Variants in TIMM13 observed in about 807,000 individuals in gnomAD.
TIMM13 encodes mitochondrial import inner membrane translocase subunit Tim13.
TIMM13 carries 8 observed loss-of-function variants against 10.9 expected under a neutral mutation model. The ratio of observed to expected loss-of-function variants is 0.73; its 90% CI spans 0.43 to 1.32. The LOEUF is 1.32. Ranked by LOEUF, TIMM13 falls within the 40% of genes most tolerant of loss-of-function variation. The pLI, the probability that TIMM13 is intolerant of heterozygous loss-of-function variation, is 0.01. For missense variants in TIMM13, 147 were observed against 132.8 expected (o/e 1.11, Z -0.53); for synonymous variants, 68 against 52.5 (o/e 1.30, Z -1.28).
Position 2,427,311 on chromosome 19 carries a change from T to C in TIMM13, c.134A>G (p.Lys45Arg), listed in dbSNP as rs372878317. The C allele has an allele frequency of 5.6e-6, 9 of 1,613,294 alleles. No individual in the cohort carries two copies. The African/African-American group carries it at 6.7e-5, about 12-fold the overall frequency. ...AQELLQRMTD[K>R]CFRKCIGKPG... Reference sequence around the variant, plus strand: ...TTTCCCTATACACTTCCGGAAACACTTGTCCGTCATCCTCTGTGGAGACAC... The same window carrying C: ...TTTCCCTATACACTTCCGGAAACACCTGTCCGTCATCCTCTGTGGAGACAC... The change falls in exon 2 of 3, where the codon AAG becomes AGG. Residue 45 changes from lysine to arginine, a missense_variant. Lys to Arg is a conservative substitution (Grantham distance 26). Coordinates refer to ENST00000215570, the MANE Select transcript of TIMM13 (RefSeq NM_012458.4).
chr19:2,426,077 A>C lies in TIMM13; in HGVS notation c.*871T>G. ...TGTGAGAGGCTGGATAGGACAGCAC[A>C]TCCAGGAGTGACCACCACGTGACTG... On this transcript the variant is annotated 3_prime_UTR_variant, in exon 3 of 3. Transcript: ENST00000215570. 1 of 1,605,704 alleles carries C rather than the reference A, an allele frequency of 6.2e-7. No homozygotes were observed. The highest frequency in any genetic ancestry group is 1.7e-5 in the Admixed American group (1 of 58,616).
chr19:2,426,932 G>T lies in TIMM13; in HGVS notation c.*16C>A. ...TTTATGGAAATGAACAGGGTGGGGT[G>T]GCCCGCGCTCGCCGGTCACATGTTG... On this transcript the variant is annotated 3_prime_UTR_variant, in exon 3 of 3. Coordinates refer to ENST00000215570, the MANE Select transcript of TIMM13 (RefSeq NM_012458.4). The T allele has an allele frequency of 6.4e-7, 1 of 1,568,402 alleles. No homozygotes were observed. Among genetic ancestry groups the T allele is most frequent in the Non-Finnish European group, 8.6e-7 (1 of 1,157,262 alleles).
At position 2,426,836 on chromosome 19, in the gene TIMM13, C is replaced by CTCCTA. The variant is rs1971649892; in HGVS notation, c.*111_*112insTAGGA. On this transcript the variant is annotated 3_prime_UTR_variant, in exon 3 of 3. Coordinates refer to ENST00000215570, the MANE Select transcript of TIMM13 (RefSeq NM_012458.4). ...GGCGAGGACACAGTCCCGTGTGTCC[C>CTCCTA]AGCACCGGTGCCACCCTCCTAAGCC... 1 of 1,079,274 alleles carries CTCCTA rather than the reference C, an allele frequency of 9.3e-7. No homozygotes were observed. The highest frequency in any genetic ancestry group is 1.5e-5 in the African/African-American group (1 of 64,582). The allele number at this position is 1,079,274 out of a possible 1,614,324, so 66.9% of individuals were successfully genotyped here.
chr19:2,426,328 G>A lies in TIMM13; in HGVS notation c.*620C>T, dbSNP rs1971632912. 5.3e-6 allele frequency: 2 copies of A among 375,214 alleles called. No homozygotes were observed. Among genetic ancestry groups the A allele is most frequent in the East Asian group, 6.7e-5 (1 of 14,900 alleles). 23.2% of individuals were successfully genotyped at this position (375,214 alleles called of 1,614,324 possible). ...TGCCTGGTGCTCCACCAGGACCCGG[G>A]GTGGAACGAAGCAGGGTCAAAGCAA... On this transcript the variant is annotated 3_prime_UTR_variant, in exon 3 of 3. Transcript: ENST00000215570.
chr19:2,426,923 G>T lies in TIMM13; in HGVS notation c.*25C>A, dbSNP rs377078875. ...CAAAGCACGTTTATGGAAATGAACAGGGTGGGGTGGCCCGCGCTCGCCGGT... is the reference window on the plus strand; with the variant it reads ...CAAAGCACGTTTATGGAAATGAACATGGTGGGGTGGCCCGCGCTCGCCGGT... On this transcript the variant is annotated 3_prime_UTR_variant, in exon 3 of 3. Transcript: ENST00000215570. 1.7e-5 allele frequency: 27 copies of T among 1,561,222 alleles called. No homozygotes were observed. The Admixed American group carries it at 2.1e-4, about 12-fold the overall frequency.
In TIMM13 at chr19:2,427,008, G is replaced by C. The variant is rs749483030; in HGVS notation, c.228C>G (p.Ala76=). The C allele has an allele frequency of 6.2e-7, 1 of 1,609,190 alleles. No individual in the cohort carries two copies. Residue 76 remains alanine (A), a synonymous_variant, in exon 3 of 3, where the codon GCC becomes GCG. Coordinates refer to ENST00000215570, the MANE Select transcript of TIMM13 (RefSeq NM_012458.4). ...TGTAGGCGCGAGACACGGTGTTCCAGGCGTCCATGTAGCGGTCCATGCACA... is the reference window on the plus strand; with the variant it reads ...TGTAGGCGCGAGACACGGTGTTCCACGCGTCCATGTAGCGGTCCATGCACA... ...IAMCMDRYMD[A]WNTVSRAYNS...
chr19:2,427,427 T>C lies in TIMM13; in HGVS notation c.107A>G (p.Gln36Arg). Reference protein sequence around the residue: ...VKVQIAVANAQELLQRMTDKC... With the variant: ...VKVQIAVANARELLQRMTDKC... The stretch of plus-strand genomic sequence containing the variant: ...CCAGCCCCGCACCTGCAGCAGCTCC[T>C]GCGCGTTGGCCACGGCGATCTGCAC... The change falls in exon 1 of 3, where the codon CAG becomes CGG. Residue 36 changes from glutamine (Q) to arginine (R), a missense_variant. Coordinates refer to ENST00000215570, the MANE Select transcript of TIMM13 (RefSeq NM_012458.4). 1 of 1,612,744 alleles carries C rather than the reference T, an allele frequency of 6.2e-7. No individual in the cohort carries two copies. The highest frequency in any genetic ancestry group is 8.5e-7 in the Non-Finnish European group (1 of 1,179,662).
chr19:2,426,945 C>G lies in TIMM13; in HGVS notation c.*3G>C. ...ACAGGGTGGGGTGGCCCGCGCTCGC[C>G]GGTCACATGTTGGCTCGTTCCCGCT... On this transcript the variant is annotated 3_prime_UTR_variant, in exon 3 of 3. Transcript: ENST00000215570. 1 of 1,585,030 alleles carries G rather than the reference C, an allele frequency of 6.3e-7. No homozygotes were observed. The highest frequency in any genetic ancestry group is 1.1e-5 in the South Asian group (1 of 87,878).
chr19:2,426,849 A>T lies in TIMM13; in HGVS notation c.*99T>A. 1 of 1,208,974 alleles carries T rather than the reference A, an allele frequency of 8.3e-7. No homozygotes were observed. The highest frequency in any genetic ancestry group is 1.2e-6 in the Non-Finnish European group (1 of 851,040). The allele number at this position is 1,208,974 out of a possible 1,614,324, so 74.9% of individuals were successfully genotyped here. On this transcript the variant is annotated 3_prime_UTR_variant, in exon 3 of 3. Coordinates refer to ENST00000215570, the MANE Select transcript of TIMM13 (RefSeq NM_012458.4). The stretch of plus-strand genomic sequence containing the variant: ...TCCCGTGTGTCCCAGCACCGGTGCC[A>T]CCCTCCTAAGCCCCGGGCAGGCAGT...
At position 2,427,431 on chromosome 19, in the gene TIMM13, C is replaced by T; in HGVS notation, c.103G>A (p.Ala35Thr). Reference sequence around the variant, plus strand: ...CCCCGCACCTGCAGCAGCTCCTGCGCGTTGGCCACGGCGATCTGCACTTTC... The same window carrying T: ...CCCCGCACCTGCAGCAGCTCCTGCGTGTTGGCCACGGCGATCTGCACTTTC... The part of the protein sequence containing the change: ...QVKVQIAVAN[A>T]QELLQRMTDK... Residue 35 changes from alanine (A) to threonine (T), a missense_variant, in exon 1 of 3, where the codon GCG (alanine) becomes ACG (threonine). Ala to Thr is a moderately conservative substitution (Grantham distance 58). Coordinates refer to ENST00000215570, the MANE Select transcript of TIMM13 (RefSeq NM_012458.4). The T allele has an allele frequency of 1.2e-6, 2 of 1,612,788 alleles. No homozygotes were observed. The highest frequency in any genetic ancestry group is 1.1e-5 in the South Asian group (1 of 91,082).
At position 2,426,451 on chromosome 19, in the gene TIMM13, G is replaced by T. The variant is rs1386432075; in HGVS notation, c.*497C>A. ...CTCAGCAGCCCGGTGGCACTAAGGGGAAAGATGGACTTCTCCCAACCCAGG... is the reference window on the plus strand; with the variant it reads ...CTCAGCAGCCCGGTGGCACTAAGGGTAAAGATGGACTTCTCCCAACCCAGG... On this transcript the variant is annotated 3_prime_UTR_variant, in exon 3 of 3. Coordinates refer to ENST00000215570, the MANE Select transcript of TIMM13 (RefSeq NM_012458.4). The T allele has an allele frequency of 3.4e-6, 1 of 293,566 alleles. No homozygotes were observed. Among genetic ancestry groups the T allele is most frequent in the Non-Finnish European group, 6.4e-6 (1 of 155,644 alleles). 18.2% of individuals were successfully genotyped at this position (293,566 alleles called of 1,614,324 possible).
chr19:2,427,467 T>C lies in TIMM13; in HGVS notation c.67A>G (p.Met23Val), dbSNP rs1425176886. 1 of 1,612,698 alleles carries C rather than the reference T, an allele frequency of 6.2e-7. No individual in the cohort carries two copies. The stretch of plus-strand genomic sequence containing the variant: ...GCGATCTGCACTTTCACCTGCTCCA[T>C]TATGAGCCCTGGGTCCAGCTTCCCG... ...GSGKLDPGLI[M>V]EQVKVQIAVA... The change falls in exon 1 of 3, where the codon ATG (methionine) becomes GTG (valine). Residue 23 changes from methionine (M) to valine (V), a missense_variant. Coordinates refer to ENST00000215570, the MANE Select transcript of TIMM13 (RefSeq NM_012458.4).
In TIMM13 at chr19:2,426,221, G is replaced by T; in HGVS notation, c.*727C>A. ...CTGTGGGTCATGGGGATGCATTTTG[G>T]TACCACCCTTTGTTCCAATAAACAC... On this transcript the variant is annotated 3_prime_UTR_variant, in exon 3 of 3. Transcript: ENST00000215570. 8.4e-7 allele frequency: 1 copy of T among 1,190,572 alleles called. No individual in the cohort carries two copies. Among genetic ancestry groups the T allele is most frequent in the African/African-American group, 1.5e-5 (1 of 64,594 alleles). The allele number at this position is 1,190,572 out of a possible 1,614,324, so 73.8% of individuals were successfully genotyped here.
At position 2,425,880 on chromosome 19, in the gene TIMM13, T is replaced by C. The variant is rs1298400314; in HGVS notation, c.*1068A>G. ...GGGGCCAATGACCCAAGGGCTGCTG[T>C]AGGGGAGGTACCGGCCTCTGAACCC... On this transcript the variant is annotated 3_prime_UTR_variant, in exon 3 of 3. Transcript: ENST00000215570. The C allele has an allele frequency of 6.5e-7, 1 of 1,540,728 alleles. No individual in the cohort carries two copies. Among genetic ancestry groups the C allele is most frequent in the Non-Finnish European group, 8.7e-7 (1 of 1,151,104 alleles).
Position 2,425,664 on chromosome 19 carries a change from T to C in TIMM13, c.*1284A>G. 1 of 1,312,818 alleles carries C rather than the reference T, an allele frequency of 7.6e-7. No individual in the cohort carries two copies. Among genetic ancestry groups the C allele is most frequent in the East Asian group, 2.9e-5 (1 of 34,182 alleles). 81.3% of individuals were successfully genotyped at this position (1,312,818 alleles called of 1,614,324 possible). A position where few individuals can be genotyped will look rare whatever the true frequency, so the allele number is the denominator to read the frequency against. ...GAGGAATTTCCACTCCACAGCCGTT[T>C]ATTGGGCAACCCACCGCATCCCATC... On this transcript the variant is annotated 3_prime_UTR_variant, in exon 3 of 3. Transcript: ENST00000215570.
chr19:2,427,504 C>A lies in TIMM13; in HGVS notation c.30G>T (p.Gly10=), dbSNP rs1162848954. 5.6e-6 allele frequency: 9 copies of A among 1,610,514 alleles called. No individual in the cohort carries two copies. Among genetic ancestry groups the A allele is most frequent in the South Asian group, 1.1e-5 (1 of 90,918 alleles). Residue 10 remains glycine, a synonymous_variant, in exon 1 of 3, where the codon GGG becomes GGT. Coordinates refer to ENST00000215570, the MANE Select transcript of TIMM13 (RefSeq NM_012458.4). MEGGFGSDF[G]GSGSGKLDPG... Reference sequence around the variant, plus strand: ...GGTCCAGCTTCCCGCTGCCGGAGCCCCCGAAATCGGAGCCGAAGCCGCCCT... The same window carrying A: ...GGTCCAGCTTCCCGCTGCCGGAGCCACCGAAATCGGAGCCGAAGCCGCCCT...
chr19:2,427,398 C>T lies in TIMM13; in HGVS notation c.120+16G>A. Reference sequence around the variant, plus strand: ...GCCCTGTCGCCCCCAGCGCCCGTCCCCGGCCAGCCCCGCACCTGCAGCAGC... The same window carrying T: ...GCCCTGTCGCCCCCAGCGCCCGTCCTCGGCCAGCCCCGCACCTGCAGCAGC... On this transcript the variant is annotated intron_variant, in intron 1 of 2. Coordinates refer to ENST00000215570, the MANE Select transcript of TIMM13 (RefSeq NM_012458.4). 1 of 1,612,068 alleles carries T rather than the reference C, an allele frequency of 6.2e-7. No individual in the cohort carries two copies. Among genetic ancestry groups the T allele is most frequent in the Non-Finnish European group, 8.5e-7 (1 of 1,179,294 alleles).
At chr19:2,427,361 C>A (rs1971664222) in intron 1 of TIMM13, 37 bp from the exon 2 acceptor site, 1 of 1,612,320 alleles carries the variant, frequency 6.2e-7, no homozygotes, top group African/African-American at 1.3e-5. Context: ...GCGACGTCGG[C>A]CCCCAGGGGT....
Position 2,425,680 on chromosome 19 carries a change from G to A in TIMM13, c.*1268C>T, listed in dbSNP as rs1045121980. On this transcript the variant is annotated 3_prime_UTR_variant, in exon 3 of 3. Transcript: ENST00000215570. ...ACAGCCGTTTATTGGGCAACCCACC[G>A]CATCCCATCCCCGGGCCTCGGCGGC... The A allele has an allele frequency of 8.8e-6, 11 of 1,252,012 alleles. No individual in the cohort carries two copies. The highest frequency in any genetic ancestry group is 2.8e-4 in the Middle Eastern group (1 of 3,516). 77.6% of individuals were successfully genotyped at this position (1,252,012 alleles called of 1,614,324 possible).
Sources: gnomAD v4.1 joint callset for allele counts on GRCh38, gnomAD v4.1.1 for gene constraint, MANE v1.5 for transcripts, NCBI Gene and HGNC (gene_info 2026-07-23, HGNC 2026-07-21) for gene names.